The following COL5A1 variants were observed in gnomAD, a reference collection of about 807,000 sequenced individuals.
The protein encoded by COL5A1 is collagen alpha-1(V) chain.
A neutral mutation model predicts 263.7 loss-of-function variants in COL5A1; 16 were observed. That is an observed-to-expected ratio of 0.06 (90% CI 0.04 to 0.09). The LOEUF is 0.09. Among genes scored for constraint, COL5A1 ranks in the 10% least tolerant of loss-of-function variants. COL5A1 has a pLI of 1.00. For synonymous variants in COL5A1, 1,012 were observed against 1,004.5 expected (o/e 1.01, Z -0.14); for missense variants, 2,036 against 2,540.5 (o/e 0.80, Z 4.27).
At position 134,802,962 on chromosome 9, in the gene COL5A1, G is replaced by A. The variant is rs775626575; in HGVS notation, c.3081G>A (p.Gly1027=). 1 of 1,609,560 alleles carries A rather than the reference G, an allele frequency of 6.2e-7. No homozygotes were observed. Among genetic ancestry groups the A allele is most frequent in the Non-Finnish European group, 8.5e-7 (1 of 1,178,546 alleles). Residue 1027 remains glycine (G), a synonymous_variant, in exon 39 of 66, where the codon GGG becomes GGA. Transcript: ENST00000371817. ...PGPPGPPGEQ[G]LPGLAGKEGT... ...CCCCTGGACCCCCCGGTGAACAGGG[G>A]CTTCCGGGCCTTGCTGGAAAAGAAG... is the stretch of plus-strand genomic sequence containing the variant.
In COL5A1 at chr9:134,842,584, G is replaced by A. The variant is rs1414839543; in HGVS notation, c.*281G>A. On this transcript the variant is annotated 3_prime_UTR_variant, in exon 66 of 66. Transcript: ENST00000371817. The surrounding 1 kb of genome is among the most constrained non-coding windows in gnomAD (Gnocchi z 5.8). Reference sequence around the variant, plus strand: ...GTCCACACCCACGCGCCCCGGGAGCGGGGCCATGCCTCCAGCCCCCCAGCT... The same window carrying A: ...GTCCACACCCACGCGCCCCGGGAGCAGGGCCATGCCTCCAGCCCCCCAGCT... 12 of 551,356 alleles carry A rather than the reference G, an allele frequency of 2.2e-5. No individual in the cohort carries two copies. The highest frequency in any genetic ancestry group is 7.6e-5 in the African/African-American group (4 of 52,736). The allele number at this position is 551,356 out of a possible 1,614,324, so 34.2% of individuals were successfully genotyped here.
intron 4 of COL5A1, among the ~76,000 whole-genome samples, chr9:134,706,736 C>T (rs976927331): frequency 6.6e-6 from 1 of 152,238 alleles, no homozygotes; most frequent in Non-Finnish European, 1.5e-5. Context: ...CTGTGGGCCC[C>T]CGCCTGGCAT....
intron 1 of COL5A1, among the ~76,000 whole-genome samples, chr9:134,672,751 T>G (rs1832573013): frequency 1.3e-5 from 2 of 152,216 alleles, no homozygotes; most frequent in Admixed American, 1.3e-4. Flanking sequence ...CAGATCACAT[T>G]AGTGACTATG....
intron 61 of COL5A1, 47 bp from the exon 62 acceptor site, chr9:134,824,553 C>A: frequency 1.2e-6 from 2 of 1,610,546 alleles, no homozygotes; most frequent in Middle Eastern, 1.7e-4. Context: ...ATCCTGGGAC[C>A]CTTCCCATCC....
At position 134,782,646 on chromosome 9, in the gene COL5A1, ACT is replaced by A. The variant is rs771859292; in HGVS notation, c.2431-16_2431-15del. 4 of 1,613,130 alleles carry A rather than the reference ACT, an allele frequency of 2.5e-6. No homozygotes were observed. In the Admixed American group the frequency reaches 5.0e-5, roughly 20 times the overall value. ...CGGGTCCTCTTGCCTAGACTAGGGC[ACT>A]CTCTTGTCCCATATTCAGGGTGAAG... On this transcript the variant is annotated intron_variant, in intron 28 of 65. Transcript: ENST00000371817.
At chr9:134,767,166 C>A in intron 23 of COL5A1, 113 bp downstream of exon 23, 1 of 1,425,584 alleles carries the variant, frequency 7.0e-7, no homozygotes, top group Non-Finnish European at 9.9e-7. Flanking sequence ...AGTAGCAGCC[C>A]CTCCCCTTAT....
intron 18 of COL5A1, 123 bp from the exon 19 acceptor site, chr9:134,761,801 TG>T: frequency 1.0e-6 from 1 of 990,412 alleles, no homozygotes; most frequent in Non-Finnish European, 1.6e-6. Flanking sequence ...TCCCCCATTC[TG>T]GAAGGGTCTT....
chr9:134,802,935 G>T lies in COL5A1; in HGVS notation c.3054G>T (p.Gly1018=), dbSNP rs369163868. Reference sequence around the variant, plus strand: ...CAATGGGTGAGCGTGGCCACCCTGGGCCCCCTGGACCCCCCGGTGAACAGG... The same window carrying T: ...CAATGGGTGAGCGTGGCCACCCTGGTCCCCCTGGACCCCCCGGTGAACAGG... ...TGPMGERGHP[G]PPGPPGEQGL... is the part of the protein sequence containing the mutation. The change falls in exon 39 of 66, where the codon GGG becomes GGT. Residue 1018 remains glycine (G), a synonymous_variant. Transcript: ENST00000371817. 6.2e-6 allele frequency: 10 copies of T among 1,611,762 alleles called. No homozygotes were observed. Among genetic ancestry groups the T allele is most frequent in the Non-Finnish European group, 8.5e-6 (10 of 1,179,488 alleles).
rs2132699515 is a variant in COL5A1 at position 134,758,490 on chromosome 9, C to T, written c.1935+194C>T. Among the ~76,000 whole-genome samples the T allele has an allele frequency of 6.6e-6, 1 of 152,184 alleles. No individual in the cohort carries two copies. Among genetic ancestry groups the T allele is most frequent in the African/African-American group, 2.4e-5 (1 of 41,538 alleles). ...AGATGATGTCTTTGTTGATGGGTGGCCAGCCCAAAGGAATTGGAGCTCTTA... is the reference window on the plus strand; with the variant it reads ...AGATGATGTCTTTGTTGATGGGTGGTCAGCCCAAAGGAATTGGAGCTCTTA... On this transcript the variant is annotated intron_variant, in intron 18 of 65. Transcript: ENST00000371817. The surrounding 1 kb of genome is among the most constrained non-coding windows in gnomAD (Gnocchi z 4.1).
chr9:134,657,338 T>C (rs1396409148), intron 1 of COL5A1, among the ~76,000 whole-genome samples: 1 of 73,302 alleles, frequency 1.4e-5, no homozygotes, highest in Non-Finnish European at 2.6e-5. Context: ...AGTTTATAGA[T>C]AATATGGGGG....
At position 134,814,026 on chromosome 9, in the gene COL5A1, G is replaced by A. The variant is rs1285126829; in HGVS notation, c.3896G>A (p.Gly1299Asp). The A allele has an allele frequency of 1.3e-6, 2 of 1,550,688 alleles. No homozygotes were observed. The highest frequency in any genetic ancestry group is 1.7e-6 in the Non-Finnish European group (2 of 1,147,014). ...EAGEPGLPGEGGPPGPKGERG... is the reference protein window; with the variant it reads ...EAGEPGLPGEDGPPGPKGERG... ...GGTGAGCCTGGCCTTCCGGGAGAAG[G>A]CGGCCCCCCGGTGAGTGAGCGGGCG... The change falls in exon 49 of 66, where the codon GGC (glycine) becomes GAC (aspartate). Residue 1299 changes from glycine to aspartate, a missense_variant. Transcript: ENST00000371817.
intron 1 of COL5A1, among the ~76,000 whole-genome samples, chr9:134,667,154 C>T (rs1229343338): frequency 2.6e-5 from 4 of 152,212 alleles, no homozygotes; most frequent in Non-Finnish European, 5.9e-5. Flanking sequence ...CTTATGGTGA[C>T]TTTCCCAGCA....
At chr9:134,718,880 G>T (rs79785826) in intron 4 of COL5A1, among the ~76,000 whole-genome samples, 7,488 of 152,254 alleles carry the variant, frequency 0.049, 453 homozygotes, top group African/African-American at 0.13. Flanking sequence ...CTCCTGGGGG[G>T]GCTGCAAGAA....
intron 42 of COL5A1, among the ~76,000 whole-genome samples, chr9:134,806,606 C>T (rs1211942609): frequency 5.3e-5 from 8 of 152,160 alleles, no homozygotes; most frequent in Admixed American, 3.9e-4. Flanking sequence ...TCCCCACATG[C>T]GTGGACAGAG....
At chr9:134,833,940 G>C (rs1839749221) in intron 64 of COL5A1, among the ~76,000 whole-genome samples, 2 of 152,222 alleles carry the variant, frequency 1.3e-5, no homozygotes. Context: ...GCCAGCCCTA[G>C]AGGCTGGAGG....
intron 4 of COL5A1, among the ~76,000 whole-genome samples, chr9:134,705,910 C>G (rs1440172691): frequency 3.9e-5 from 6 of 152,244 alleles, no homozygotes; most frequent in Non-Finnish European, 7.3e-5. Flanking sequence ...GGGGAAAGAA[C>G]TGGCTGAGGG....
At chr9:134,771,165 G>C (rs1019338947) in intron 25 of COL5A1, among the ~76,000 whole-genome samples, 1 of 152,254 alleles carries the variant, frequency 6.6e-6, no homozygotes, top group African/African-American at 2.4e-5. Context: ...GGGCTTCCTC[G>C]AGCAGCCGGG....
At chr9:134,806,422 G>T in intron 42 of COL5A1, 126 bp downstream of exon 42, 1 of 695,542 alleles carries the variant, frequency 1.4e-6, no homozygotes, top group Admixed American at 2.7e-5. Context: ...ATGGGGTGGG[G>T]TCTGCGGCCC....
intron 1 of COL5A1, among the ~76,000 whole-genome samples, chr9:134,644,731 T>C (rs1220789893): frequency 6.6e-6 from 1 of 152,180 alleles, no homozygotes; most frequent in Non-Finnish European, 1.5e-5. Flanking sequence ...AGATTGCATT[T>C]GGGGCTGCTG....
Sources: gnomAD v4.1 joint callset for allele counts (sites outside exome capture counted in the v4.1 genomes callset) on GRCh38, gnomAD v4.1.1 for gene constraint, Gnocchi (gnomAD v3.1) non-coding constraint, MANE v1.5 for transcripts, NCBI Gene and HGNC (gene_info 2026-07-23, HGNC 2026-07-21) for gene names.